The following SPINT2 variants were observed in gnomAD, a reference collection of about 807,000 sequenced individuals.
SPINT2 encodes the protein kunitz-type protease inhibitor 2.
In SPINT2, 18 loss-of-function variants were observed where a neutral mutation model predicts 30.1. The observed-to-expected ratio is 0.60, with a 90% CI of 0.41 to 0.89. The LOEUF (loss-of-function observed/expected upper bound fraction) is 0.89, where lower values mean the gene tolerates loss of function less well. Among genes scored for constraint, SPINT2 ranks in the 40% least tolerant of loss-of-function variants. The probability of loss-of-function intolerance (pLI) is 0.00; values close to 1 mark genes in which losing one functional copy is unlikely to be tolerated. For missense variants in SPINT2, 276 were observed against 334.3 expected (o/e 0.83, Z 1.36); for synonymous variants, 139 against 137.9 (o/e 1.01, Z -0.05).
intron 2 of SPINT2, among the ~76,000 whole-genome samples, chr19:38,286,656 G>T (rs181951961): frequency 2.0e-5 from 3 of 152,160 alleles, no homozygotes; most frequent in Non-Finnish European, 4.4e-5. Flanking sequence ...GGTGGCGGGC[G>T]CCTGTGGTCC....
At chr19:38,277,867 T>C (rs1968538232) in intron 1 of SPINT2, among the ~76,000 whole-genome samples, 2 of 152,346 alleles carry the variant, frequency 1.3e-5, no homozygotes, top group South Asian at 4.1e-4. Flanking sequence ...TTAGATATTC[T>C]GAAGCTTATG....
chr19:38,279,512 A>G (rs572255038), intron 1 of SPINT2, among the ~76,000 whole-genome samples: 4 of 152,262 alleles, frequency 2.6e-5, no homozygotes, highest in South Asian at 2.1e-4. Context: ...AAAAATTATT[A>G]TAATAATTTT....
Position 38,290,801 on chromosome 19 carries a change from G to A in SPINT2, c.592+226G>A. ...TCACAAGGCAGGCCCTGCCCAGGCG[G>A]CGTGGGTGACTGGGGATGAGGTCTT... On this transcript the variant is annotated intron_variant, in intron 6 of 6. Coordinates refer to ENST00000301244, the MANE Select transcript of SPINT2 (RefSeq NM_021102.4). This position sits in a 1 kb window ranked among gnomAD's most constrained non-coding sequence, Gnocchi z 4.3. The A allele has an allele frequency of 1.5e-6, 1 of 651,526 alleles. No individual in the cohort carries two copies. Among genetic ancestry groups the A allele is most frequent in the Non-Finnish European group, 2.7e-6 (1 of 369,052 alleles). The allele number at this position is 651,526 out of a possible 1,614,324, so 40.4% of individuals were successfully genotyped here.
intron 1 of SPINT2, among the ~76,000 whole-genome samples, chr19:38,268,360 C>G (rs1428291827): frequency 6.6e-6 from 1 of 152,096 alleles, no homozygotes; most frequent in African/African-American, 2.4e-5. Context: ...GTGGAAAGCA[C>G]GCAGAGATTA....
intron 1 of SPINT2, among the ~76,000 whole-genome samples, chr19:38,279,330 C>G (rs1470636669): frequency 6.6e-6 from 1 of 151,808 alleles, no homozygotes; most frequent in African/African-American, 2.4e-5. Context: ...GAAACCGCGT[C>G]TCTCCTAAAA....
intron 3 of SPINT2, 31 bp downstream of exon 3, chr19:38,287,966 G>A (rs905287914): frequency 1.2e-6 from 2 of 1,609,282 alleles, no homozygotes; most frequent in South Asian, 2.2e-5. Flanking sequence ...GCGATGGAGT[G>A]AGGCCACCGG....
In SPINT2 at chr19:38,287,940, G is replaced by A. The variant is rs775823776; in HGVS notation, c.337+5G>A. On this transcript the variant is annotated splice_donor_5th_base_variant and intron_variant, in intron 3 of 6. Coordinates refer to ENST00000301244, the MANE Select transcript of SPINT2 (RefSeq NM_021102.4). ...CGGATTCCTCTGTCCCAAGTGGTAG[G>A]TTCTTAAAGAGACCCGCGATGGAGT... 2.2e-5 allele frequency: 36 copies of A among 1,614,054 alleles called. No homozygotes were observed. The highest frequency in any genetic ancestry group is 1.7e-4 in the Admixed American group (10 of 59,994).
rs1370400981 is a variant in SPINT2, at chr19:38,290,330, G to A, written c.553+50G>A. Reference sequence around the variant, plus strand: ...GGAAGCCCTGCCCTTGAGGACCCCGGTCCATCTCCCCATCCCTAAAATATG... The same window carrying A: ...GGAAGCCCTGCCCTTGAGGACCCCGATCCATCTCCCCATCCCTAAAATATG... On this transcript the variant is annotated intron_variant, in intron 5 of 6. Coordinates refer to ENST00000301244, the MANE Select transcript of SPINT2 (RefSeq NM_021102.4). This position sits in a 1 kb window ranked among gnomAD's most constrained non-coding sequence, Gnocchi z 4.3. The A allele has an allele frequency of 6.3e-7, 1 of 1,599,364 alleles. No individual in the cohort carries two copies. Among genetic ancestry groups the A allele is most frequent in the Non-Finnish European group, 8.5e-7 (1 of 1,173,772 alleles).
chr19:38,264,793 G>C lies in SPINT2; in HGVS notation c.-100G>C. On this transcript the variant is annotated 5_prime_UTR_variant, in exon 1 of 7. Transcript: ENST00000301244. Reference sequence around the variant, plus strand: ...TCCCGGAGCGTCGGCACCTGAACGCGAGGCGCTCCATTGCGCGTGCGCGTT... The same window carrying C: ...TCCCGGAGCGTCGGCACCTGAACGCCAGGCGCTCCATTGCGCGTGCGCGTT... The C allele has an allele frequency of 7.7e-7, 1 of 1,300,124 alleles. No homozygotes were observed. The highest frequency in any genetic ancestry group is 1.3e-5 in the South Asian group (1 of 76,796). 80.5% of individuals were successfully genotyped at this position (1,300,124 alleles called of 1,614,324 possible).
chr19:38,286,352 A>G (rs958399610), intron 2 of SPINT2, among the ~76,000 whole-genome samples: 1 of 152,192 alleles, frequency 6.6e-6, no homozygotes, highest in Admixed American at 6.5e-5. Context: ...TGCTTGATGA[A>G]GAGAGAGGCA....
chr19:38,267,556 G>A (rs972452711), intron 1 of SPINT2, among the ~76,000 whole-genome samples: 3 of 151,800 alleles, frequency 2.0e-5, no homozygotes, highest in Non-Finnish European at 2.9e-5. Context: ...CAGACAGATA[G>A]GATGCAGTGG....
intron 1 of SPINT2, among the ~76,000 whole-genome samples, chr19:38,269,235 C>T (rs1156833325): frequency 1.3e-5 from 2 of 151,572 alleles, no homozygotes; most frequent in African/African-American, 4.9e-5. Flanking sequence ...GTAGCTGGGA[C>T]TACAGGCGCC....
chr19:38,271,765 G>T (rs1968459699), intron 1 of SPINT2, among the ~76,000 whole-genome samples: 2 of 152,112 alleles, frequency 1.3e-5, no homozygotes, highest in Non-Finnish European at 2.9e-5. Flanking sequence ...GTTGCAGTGA[G>T]CCGAGATCAC....
At chr19:38,266,377 C>CAA (rs112054111) in intron 1 of SPINT2, among the ~76,000 whole-genome samples, 39 of 136,202 alleles carry the variant, frequency 2.9e-4, no homozygotes, top group African/African-American at 9.1e-4. Flanking sequence ...ACTCCCATCT[C>CAA]AAAAAAAAAA....
intron 1 of SPINT2, among the ~76,000 whole-genome samples, chr19:38,273,660 C>T (rs1312155973): frequency 2.0e-5 from 3 of 152,306 alleles, no homozygotes; most frequent in Middle Eastern, 3.4e-3. Context: ...TGCCTCCCAG[C>T]CCAGCATATC....
rs539672572 is a variant in SPINT2 at position 38,264,799 on chromosome 19, C to T, written c.-94C>T. ...AGCGTCGGCACCTGAACGCGAGGCG[C>T]TCCATTGCGCGTGCGCGTTGAGGGG... On this transcript the variant is annotated 5_prime_UTR_variant, in exon 1 of 7. Coordinates refer to ENST00000301244, the MANE Select transcript of SPINT2 (RefSeq NM_021102.4). 7.5e-7 allele frequency: 1 copy of T among 1,336,138 alleles called. No homozygotes were observed. Among genetic ancestry groups the T allele is most frequent in the South Asian group, 1.3e-5 (1 of 78,132 alleles). 82.8% of individuals were successfully genotyped at this position (1,336,138 alleles called of 1,614,324 possible).
At chr19:38,278,524 A>G (rs779163264) in intron 1 of SPINT2, among the ~76,000 whole-genome samples, 3 of 152,250 alleles carry the variant, frequency 2.0e-5, no homozygotes, top group African/African-American at 7.2e-5. Flanking sequence ...GGCGAAGGCA[A>G]TAAGTAATGC....
intron 1 of SPINT2, among the ~76,000 whole-genome samples, chr19:38,275,136 G>A (rs769836589): frequency 3.9e-5 from 6 of 152,214 alleles, no homozygotes; most frequent in African/African-American, 7.2e-5. Flanking sequence ...GCTCTGTATC[G>A]TAAGTTATAT....
At chr19:38,268,312 G>C (rs1255454283) in intron 1 of SPINT2, among the ~76,000 whole-genome samples, 1 of 152,112 alleles carries the variant, frequency 6.6e-6, no homozygotes, top group Non-Finnish European at 1.5e-5. Context: ...AGGTGAGAAA[G>C]CTCCCCTATC....
Sources: allele counts gnomAD v4.1 joint callset (sites outside exome capture counted in the v4.1 genomes callset), GRCh38; gene constraint gnomAD v4.1.1; non-coding constraint Gnocchi (gnomAD v3.1); transcripts MANE v1.5; gene names NCBI Gene and HGNC (gene_info 2026-07-23, HGNC 2026-07-21).